Variants in SUMF1 observed in about 807,000 individuals in gnomAD.
The protein encoded by SUMF1 is formylglycine-generating enzyme.
Under a neutral mutation model 47.6 loss-of-function variants are expected in SUMF1, and 48 were observed. The observed-to-expected ratio is 1.01, with a 90% CI of 0.80 to 1.28. The LOEUF is 1.28. Ranked by LOEUF, SUMF1 falls within the 50% of genes most tolerant of loss-of-function variation. The pLI, the probability that SUMF1 is intolerant of heterozygous loss-of-function variation, is 0.00. For synonymous variants in SUMF1, 230 were observed against 192.1 expected, an observed-to-expected ratio of 1.20 and a Z score of -1.63; for missense variants, 571 against 485.4, an observed-to-expected ratio of 1.18 and a Z score of -1.66.
chr3:4,240,190 T>C (rs1335486454), intron 8 of SUMF1, among the ~76,000 whole-genome samples: 1 of 152,216 alleles, frequency 6.6e-6, no homozygotes, highest in African/African-American at 2.4e-5. Context: ...TTGAGGATTT[T>C]TGCATTGATG....
intron 8 of SUMF1, among the ~76,000 whole-genome samples, chr3:4,197,449 TA>T (rs1695453492): frequency 6.6e-6 from 1 of 151,976 alleles, no homozygotes; most frequent in South Asian, 2.1e-4. Context: ...CTCTAAAAGA[TA>T]GGTAAGGTTT....
intron 9 of SUMF1, among the ~76,000 whole-genome samples, chr3:4,056,864 C>G (rs1023076683): frequency 6.6e-6 from 1 of 151,988 alleles, no homozygotes; most frequent in Non-Finnish European, 1.5e-5. Context: ...GCCTCAGTCT[C>G]CTGAGTAGCT....
At chr3:4,366,780 A>G (rs553555474) in intron 8 of SUMF1, among the ~76,000 whole-genome samples, 85 of 131,788 alleles carry the variant, frequency 6.4e-4, no homozygotes, top group Non-Finnish European at 1.1e-3. Context: ...CCTTTGGAGG[A>G]GGAGAGGCGC....
At position 4,339,276 on chromosome 3, in the gene SUMF1, C is replaced by G. The variant is rs527750522; in HGVS notation, c.1014+37054G>C. On this transcript the variant is annotated intron_variant and NMD_transcript_variant, in intron 8 of 12. Transcript: ENST00000448413. ...CATCCTCTTTAAAGTCTCAACTTGTCCCATTTTCCTTGTGAGGTATGCCCC... is the reference window on the plus strand; with the variant it reads ...CATCCTCTTTAAAGTCTCAACTTGTGCCATTTTCCTTGTGAGGTATGCCCC... Among the ~76,000 whole-genome samples, 40 of 152,246 alleles carry G rather than the reference C, an allele frequency of 2.6e-4. No homozygotes were observed. The South Asian group carries it at 7.1e-3, about 27-fold the overall frequency.
At chr3:4,308,060 T>C (rs1411403850) in intron 8 of SUMF1, among the ~76,000 whole-genome samples, 1 of 152,178 alleles carries the variant, frequency 6.6e-6, no homozygotes, top group Non-Finnish European at 1.5e-5. Context: ...GTGTCCTTTA[T>C]ACTTTTCTGA....
At chr3:4,055,425 C>G (rs1695174686) in intron 9 of SUMF1, among the ~76,000 whole-genome samples, 1 of 151,956 alleles carries the variant, frequency 6.6e-6, no homozygotes, top group East Asian at 1.9e-4. Context: ...GTAACAATTC[C>G]CACAACCTTA....
chr3:4,067,445 T>C (rs1385144424), intron 9 of SUMF1, among the ~76,000 whole-genome samples: 1 of 152,204 alleles, frequency 6.6e-6, no homozygotes, highest in Non-Finnish European at 1.5e-5. Context: ...AAGTAGCTGC[T>C]TCTAGATGAT....
chr3:4,208,516 G>C (rs1695703508), intron 8 of SUMF1, among the ~76,000 whole-genome samples: 1 of 148,572 alleles, frequency 6.7e-6, no homozygotes, highest in Non-Finnish European at 1.5e-5. Context: ...ATCATAACCA[G>C]AGATAGATAT....
At chr3:4,409,111 C>T (rs2125004165) in intron 7 of SUMF1, among the ~76,000 whole-genome samples, 1 of 152,162 alleles carries the variant, frequency 6.6e-6, no homozygotes, top group South Asian at 2.1e-4. Context: ...AGTCTAGTCA[C>T]AATGTGGCAA....
intron 8 of SUMF1, among the ~76,000 whole-genome samples, chr3:4,320,014 G>A (rs1319754705): frequency 2.6e-5 from 4 of 152,188 alleles, no homozygotes; most frequent in Non-Finnish European, 5.9e-5. Flanking sequence ...GGAATGAATA[G>A]GTGAAGCACA....
Position 4,148,916 on chromosome 3 carries a change from CAA to C in SUMF1, c.1015-80173_1015-80172del, listed in dbSNP as rs535306393. Among the ~76,000 whole-genome samples, 4 of 152,084 alleles carry C rather than the reference CAA, an allele frequency of 2.6e-5. No individual in the cohort carries two copies. In the South Asian group the frequency reaches 8.3e-4, roughly 32 times the overall value. ...AATTCAATTCTACATGCTGTAAGTT[CAA>C]AAAGAGAAAGGGAAAGAGAAAAAAA... On this transcript the variant is annotated intron_variant and NMD_transcript_variant, in intron 8 of 12. Transcript: ENST00000448413.
intron 8 of SUMF1, among the ~76,000 whole-genome samples, chr3:4,144,943 T>C (rs1036995704): frequency 6.6e-6 from 1 of 152,108 alleles, no homozygotes; most frequent in African/African-American, 2.4e-5. Context: ...CTCACGCCTG[T>C]AATCCCAGCA....
intron 9 of SUMF1, among the ~76,000 whole-genome samples, chr3:4,051,196 G>C (rs1232611235): frequency 6.6e-6 from 1 of 151,364 alleles, no homozygotes; most frequent in African/African-American, 2.4e-5. Context: ...GAAACTACCT[G>C]TTCCTCCCAG....
chr3:4,310,681 T>G (rs1022743598), intron 8 of SUMF1, among the ~76,000 whole-genome samples: 2 of 152,202 alleles, frequency 1.3e-5, no homozygotes, highest in Non-Finnish European at 2.9e-5. Context: ...AAAATCTTTT[T>G]AAATTTGTAA....
intron 9 of SUMF1, among the ~76,000 whole-genome samples, chr3:4,045,237 G>T: frequency 6.6e-6 from 1 of 152,040 alleles, no homozygotes; most frequent in East Asian, 1.9e-4. Context: ...CTTCCCTGAG[G>T]AAGAAGTTCT....
chr3:4,241,716 G>C (rs1175354533), intron 8 of SUMF1, among the ~76,000 whole-genome samples: 1 of 152,174 alleles, frequency 6.6e-6, no homozygotes, highest in Non-Finnish European at 1.5e-5. Context: ...CAAGGGAATT[G>C]AGGAAACAGA....
At chr3:4,079,702 A>C (rs1156716324) in intron 8 of SUMF1, among the ~76,000 whole-genome samples, 1 of 141,114 alleles carries the variant, frequency 7.1e-6, no homozygotes, top group East Asian at 2.0e-4. Flanking sequence ...AGTATGCCCT[A>C]AGTACTCAAC....
intron 8 of SUMF1, among the ~76,000 whole-genome samples, chr3:4,126,982 G>A (rs1396360670): frequency 6.6e-6 from 1 of 152,060 alleles, no homozygotes; most frequent in Non-Finnish European, 1.5e-5. Flanking sequence ...TTACAATAGG[G>A]TTAGAAATCT....
At chr3:4,071,601 T>C (rs1418371660) in intron 8 of SUMF1, among the ~76,000 whole-genome samples, 14 of 152,192 alleles carry the variant, frequency 9.2e-5, no homozygotes, top group Admixed American at 7.9e-4. Flanking sequence ...CGACCTGGGA[T>C]GCTGGAGCTT....
Sources: allele counts gnomAD v4.1 joint callset (sites outside exome capture counted in the v4.1 genomes callset), GRCh38; gene constraint gnomAD v4.1.1; transcripts MANE v1.5; gene names NCBI Gene and HGNC (gene_info 2026-07-23, HGNC 2026-07-21).